The following KCND2 variants were observed in gnomAD, a reference collection of about 807,000 sequenced individuals.
The protein encoded by KCND2 is A-type voltage-gated potassium channel KCND2.
In KCND2, 16 loss-of-function variants were observed where a neutral mutation model predicts 54.4. The observed-to-expected ratio is 0.29, with a 90% CI of 0.20 to 0.45. The LOEUF (loss-of-function observed/expected upper bound fraction) is 0.45. KCND2 is among the 20% of genes least tolerant of loss of function. The pLI, the probability that KCND2 is intolerant of heterozygous loss-of-function variation, is 1.00. For synonymous variants in KCND2, 317 were observed against 310.7 expected (o/e 1.02, Z -0.21); for missense variants, 486 against 824.2 (o/e 0.59, Z 5.02).
At chr7:120,572,749 C>T (rs1265673646) in intron 1 of KCND2, among the ~76,000 whole-genome samples, 1 of 152,128 alleles carries the variant, frequency 6.6e-6, no homozygotes. Context: ...AACTCCTGTC[C>T]TGACCTCAAG....
intron 1 of KCND2, among the ~76,000 whole-genome samples, chr7:120,497,274 A>G (rs1802862616): frequency 6.6e-6 from 1 of 152,156 alleles, no homozygotes; most frequent in Non-Finnish European, 1.5e-5. Flanking sequence ...TGTCCCTTTC[A>G]TTTGATGTAC....
chr7:120,615,225 G>T (rs1220726486), intron 1 of KCND2, among the ~76,000 whole-genome samples: 2 of 152,064 alleles, frequency 1.3e-5, no homozygotes, highest in African/African-American at 4.8e-5. Context: ...TCAGAAATCT[G>T]TACACAGAAG....
intron 1 of KCND2, among the ~76,000 whole-genome samples, chr7:120,676,530 C>G (rs1289638115): frequency 6.6e-6 from 1 of 152,132 alleles, no homozygotes; most frequent in Non-Finnish European, 1.5e-5. Flanking sequence ...TTTTCTTCCT[C>G]TGGCTCAAAA....
Position 120,275,075 on chromosome 7 carries a change from T to G in KCND2, c.443T>G (p.Leu148Arg). ...CGCAGGCGAGAGAACGCCGAGCGCC[T>G]GCAGGACGACGCGGATACCGACACC... ...KDRRRENAER[L>R]QDDADTDTAG... is the part of the protein sequence containing the mutation. Residue 148 changes from leucine (L) to arginine (R), a missense_variant, in exon 1 of 6, where the codon CTG (leucine) becomes CGG (arginine). Physicochemically the swap from Leu to Arg is moderately radical, Grantham distance 102. Coordinates refer to ENST00000331113, the MANE Select transcript of KCND2 (RefSeq NM_012281.3). The G allele has an allele frequency of 6.2e-7, 1 of 1,613,886 alleles. No individual in the cohort carries two copies. The highest frequency in any genetic ancestry group is 8.5e-7 in the Non-Finnish European group (1 of 1,179,982).
intron 1 of KCND2, among the ~76,000 whole-genome samples, chr7:120,486,636 GA>G (rs1196978604): frequency 6.6e-6 from 1 of 151,366 alleles, no homozygotes; most frequent in East Asian, 1.9e-4. Context: ...TTTCCATGCT[GA>G]AAAATGAGAA....
intron 1 of KCND2, among the ~76,000 whole-genome samples, chr7:120,276,606 A>AT (rs915342272): frequency 7.2e-5 from 11 of 152,006 alleles, no homozygotes; most frequent in African/African-American, 2.2e-4. Context: ...TCCTTTTAGA[A>AT]TTTTTTTGTG....
chr7:120,675,855 C>CTTTTTTTTTT (rs58226731), intron 1 of KCND2, among the ~76,000 whole-genome samples: 1 of 121,550 alleles, frequency 8.2e-6, no homozygotes, highest in Non-Finnish European at 1.7e-5. Context: ...TCTTTCTATT[C>CTTTTTTTTTT]TTTTTTTTTT....
At chr7:120,702,361 C>T (rs1478170537) in intron 1 of KCND2, among the ~76,000 whole-genome samples, 2 of 152,106 alleles carry the variant, frequency 1.3e-5, no homozygotes, top group Non-Finnish European at 2.9e-5. Flanking sequence ...ATTCGTTCAA[C>T]CATTGTGGAA....
chr7:120,424,834 A>C, intron 1 of KCND2, among the ~76,000 whole-genome samples: 1 of 152,228 alleles, frequency 6.6e-6, no homozygotes, highest in East Asian at 1.9e-4. Context: ...TCTACCTCTT[A>C]ATCTAAGGAA....
intron 1 of KCND2, among the ~76,000 whole-genome samples, chr7:120,280,715 C>A (rs1336195340): frequency 6.6e-6 from 1 of 151,854 alleles, no homozygotes; most frequent in Non-Finnish European, 1.5e-5. Context: ...GTGGCTTGTC[C>A]ATAGTTACAT....
intron 1 of KCND2, among the ~76,000 whole-genome samples, chr7:120,538,280 G>C (rs1017030787): frequency 6.6e-6 from 1 of 152,114 alleles, no homozygotes; most frequent in Non-Finnish European, 1.5e-5. Flanking sequence ...GACACAATTC[G>C]TGACACCTGA....
chr7:120,473,667 A>G (rs1304095206), intron 1 of KCND2, among the ~76,000 whole-genome samples: 2 of 152,186 alleles, frequency 1.3e-5, no homozygotes, highest in Non-Finnish European at 1.5e-5. Flanking sequence ...GGTGTACTCT[A>G]TGCACTGGAT....
At chr7:120,355,488 C>A (rs186476079) in intron 1 of KCND2, among the ~76,000 whole-genome samples, 1 of 151,804 alleles carries the variant, frequency 6.6e-6, no homozygotes, top group African/African-American at 2.4e-5. Flanking sequence ...TGGGGGGGTG[C>A]AATGAGCTGG....
chr7:120,472,399 G>C (rs1802470598), intron 1 of KCND2, among the ~76,000 whole-genome samples: 1 of 152,038 alleles, frequency 6.6e-6, no homozygotes, highest in Non-Finnish European at 1.5e-5. Context: ...TGGATTTAGA[G>C]CTCATTGTGC....
chr7:120,703,071 C>A (rs1584889881), intron 1 of KCND2, among the ~76,000 whole-genome samples: 2 of 152,266 alleles, frequency 1.3e-5, no homozygotes, highest in South Asian at 4.1e-4. Flanking sequence ...AAGGTGTAAT[C>A]TTGATGTCCT....
chr7:120,680,099 G>C (rs999932462), intron 1 of KCND2, among the ~76,000 whole-genome samples: 1 of 152,086 alleles, frequency 6.6e-6, no homozygotes, highest in African/African-American at 2.4e-5. Context: ...CTAAAGGAGA[G>C]CATTCATTAA....
intron 1 of KCND2, among the ~76,000 whole-genome samples, chr7:120,693,756 A>G (rs1792300608): frequency 6.6e-6 from 1 of 152,214 alleles, no homozygotes; most frequent in Non-Finnish European, 1.5e-5. Context: ...CAGTCACAGC[A>G]CTGGCATGTA....
At chr7:120,307,153 T>C (rs1177750185) in intron 1 of KCND2, among the ~76,000 whole-genome samples, 1 of 152,068 alleles carries the variant, frequency 6.6e-6, no homozygotes, top group Admixed American at 6.6e-5. Flanking sequence ...TTCCAAACTC[T>C]GATGTCATTT....
intron 1 of KCND2, among the ~76,000 whole-genome samples, chr7:120,303,114 A>G (rs1799609102): frequency 6.6e-6 from 1 of 152,168 alleles, no homozygotes; most frequent in Non-Finnish European, 1.5e-5. Flanking sequence ...ATAAAAAAAA[A>G]GGTGAGAGAT....
Sources: gnomAD v4.1 joint callset for allele counts (sites outside exome capture counted in the v4.1 genomes callset) on GRCh38, gnomAD v4.1.1 for gene constraint, MANE v1.5 for transcripts, NCBI Gene and HGNC (gene_info 2026-07-23, HGNC 2026-07-21) for gene names.